Variants in ROBO1 observed in about 807,000 individuals in gnomAD.
ROBO1 encodes roundabout guidance receptor 1.
Under a neutral mutation model 195.9 loss-of-function variants are expected in ROBO1, and 149 were observed. That is an observed-to-expected ratio of 0.76 (90% confidence interval 0.67 to 0.87). ROBO1 has a LOEUF of 0.87. Ranked by LOEUF, ROBO1 falls within the 40% of genes least tolerant of loss-of-function variation. The pLI is 0.00. For missense variants in ROBO1, 1,933 were observed against 2,068.3 expected (o/e 0.93, Z 1.27); for synonymous variants, 816 against 733.2 (o/e 1.11, Z -1.82).
intron 2 of ROBO1, among the ~76,000 whole-genome samples, chr3:79,513,789 T>G (rs1439671571): frequency 6.6e-6 from 1 of 152,166 alleles, no homozygotes. Flanking sequence ...TAACAGTGAT[T>G]TTAAAGGTAA....
chr3:79,300,519 T>C (rs917144556), intron 2 of ROBO1, among the ~76,000 whole-genome samples: 5 of 152,198 alleles, frequency 3.3e-5, no homozygotes, highest in African/African-American at 1.2e-4. Context: ...CGTGGGCTCC[T>C]GTGCGGCCCC....
At chr3:78,872,234 A>C (rs1036303736) in intron 4 of ROBO1, among the ~76,000 whole-genome samples, 2 of 152,064 alleles carry the variant, frequency 1.3e-5, no homozygotes, top group Admixed American at 1.3e-4. Flanking sequence ...ATTTCTCCTC[A>C]ACCCATCCTC....
At chr3:79,462,052 A>C (rs1937668108) in intron 2 of ROBO1, among the ~76,000 whole-genome samples, 1 of 152,204 alleles carries the variant, frequency 6.6e-6, no homozygotes, top group South Asian at 2.1e-4. Context: ...ATATCAGTCA[A>C]GGTAGTATTA....
chr3:78,956,000 G>A (rs945988999), intron 3 of ROBO1, among the ~76,000 whole-genome samples: 3 of 151,868 alleles, frequency 2.0e-5, no homozygotes, highest in African/African-American at 7.3e-5. Context: ...TTTAGCTCTT[G>A]CAGATCCTAA....
chr3:79,399,282 C>T (rs2037271725), intron 2 of ROBO1, among the ~76,000 whole-genome samples: 1 of 152,064 alleles, frequency 6.6e-6, no homozygotes, highest in Non-Finnish European at 1.5e-5. Flanking sequence ...CAAGTTGCTT[C>T]CCATTCCATC....
chr3:79,120,369 G>T (rs1441595365), intron 3 of ROBO1, among the ~76,000 whole-genome samples: 1 of 152,082 alleles, frequency 6.6e-6, no homozygotes, highest in African/African-American at 2.4e-5. Flanking sequence ...TCTCCAGGTT[G>T]AATGGGCCCA....
chr3:79,412,768 G>T (rs2037826490), intron 2 of ROBO1, among the ~76,000 whole-genome samples: 1 of 151,422 alleles, frequency 6.6e-6, no homozygotes. Context: ...GCACATTCAA[G>T]GATCATCTGC....
chr3:78,692,486 C>T (rs751791570), intron 8 of ROBO1, among the ~76,000 whole-genome samples: 1 of 151,928 alleles, frequency 6.6e-6, no homozygotes, highest in Non-Finnish European at 1.5e-5. Flanking sequence ...GCCCAGGCTG[C>T]TCTTGAACTC....
At chr3:79,126,398 T>C (rs1272646288) in intron 2 of ROBO1, among the ~76,000 whole-genome samples, 1 of 152,186 alleles carries the variant, frequency 6.6e-6, no homozygotes, top group African/African-American at 2.4e-5. Flanking sequence ...AACACTCCAG[T>C]TTCCATATCC....
chr3:79,655,152 C>T (rs553081546), intron 1 of ROBO1, among the ~76,000 whole-genome samples: 1 of 152,098 alleles, frequency 6.6e-6, no homozygotes, highest in African/African-American at 2.4e-5. Flanking sequence ...AATAAGTACA[C>T]TTTAACACAT....
At chr3:78,830,363 C>T (rs572025797) in intron 4 of ROBO1, among the ~76,000 whole-genome samples, 1 of 152,210 alleles carries the variant, frequency 6.6e-6, no homozygotes, top group African/African-American at 2.4e-5. Context: ...TGGAAGAATC[C>T]CTGGAGATTA....
chr3:79,295,565 C>T (rs2032542212), intron 2 of ROBO1, among the ~76,000 whole-genome samples: 1 of 152,046 alleles, frequency 6.6e-6, no homozygotes, highest in Admixed American at 6.6e-5. Flanking sequence ...CCTGCACATT[C>T]TGCACACGTA....
rs992365223 is a variant in ROBO1, at chr3:78,719,407, CGTTA to C, written c.658-1528_658-1525del. On this transcript the variant is annotated intron_variant, in intron 5 of 30. Transcript: ENST00000464233. ...AAGAAAACGTCACACAAAAAAAACA[CGTTA>C]ATTATTGTTAGTACTTTTGAACATC... Among the ~76,000 whole-genome samples the C allele has an allele frequency of 2.3e-4, 35 of 152,012 alleles. 1 individual carries two copies. The highest frequency in any genetic ancestry group is 1.9e-3 in the Admixed American group (29 of 15,268).
chr3:79,294,682 AT>A (rs2032479529), intron 2 of ROBO1, among the ~76,000 whole-genome samples: 1 of 152,092 alleles, frequency 6.6e-6, no homozygotes, highest in Admixed American at 6.5e-5. Flanking sequence ...ATGGGAGAAA[AT>A]TTTTGCAATC....
intron 1 of ROBO1, among the ~76,000 whole-genome samples, chr3:79,601,886 G>A (rs1365764322): frequency 1.3e-5 from 2 of 151,902 alleles, no homozygotes; most frequent in African/African-American, 4.8e-5. Context: ...GTAGTCACAG[G>A]ATCATTTTTA....
intron 4 of ROBO1, among the ~76,000 whole-genome samples, chr3:78,822,615 A>T (rs1365264372): frequency 6.6e-6 from 1 of 152,224 alleles, no homozygotes; most frequent in Non-Finnish European, 1.5e-5. Context: ...CATATTATAT[A>T]TTTCACAGTA....
At chr3:79,577,728 AC>A (rs1943535645) in intron 2 of ROBO1, among the ~76,000 whole-genome samples, 1 of 94,208 alleles carries the variant, frequency 1.1e-5, no homozygotes, top group Non-Finnish European at 2.2e-5. Context: ...ACACACACAC[AC>A]ACACACACAC....
At chr3:79,394,642 A>G (rs547037570) in intron 2 of ROBO1, among the ~76,000 whole-genome samples, 80 of 152,200 alleles carry the variant, frequency 5.3e-4, no homozygotes, top group African/African-American at 1.8e-3. Context: ...TGCATTTTTT[A>G]TATTGTTGAT....
At chr3:79,096,721 TATAA>T (rs1302655510) in intron 3 of ROBO1, among the ~76,000 whole-genome samples, 11 of 150,680 alleles carry the variant, frequency 7.3e-5, no homozygotes, top group African/African-American at 2.4e-4. Context: ...TATATACATA[TATAA>T]ATATGTATAT....
Sources: gnomAD v4.1 joint callset for allele counts (sites outside exome capture counted in the v4.1 genomes callset) on GRCh38, gnomAD v4.1.1 for gene constraint, MANE v1.5 for transcripts, NCBI Gene and HGNC (gene_info 2026-07-23, HGNC 2026-07-21) for gene names.